Variants in GNA15 observed in about 807,000 individuals in gnomAD.
The protein encoded by GNA15 is G protein subunit alpha 15, also known as guanine nucleotide-binding protein subunit alpha-15.
In GNA15, 23 loss-of-function variants were observed where a neutral mutation model predicts 40.1. The observed-to-expected ratio is 0.57, with a 90% CI of 0.41 to 0.81. The LOEUF (loss-of-function observed/expected upper bound fraction) is 0.81, where lower values mean the gene tolerates loss of function less well. Ranked by LOEUF, GNA15 falls within the 40% of genes least tolerant of loss-of-function variation. GNA15 has a pLI of 0.00. For missense variants in GNA15, 522 were observed against 515.8 expected (o/e 1.01, Z -0.12); for synonymous variants, 226 against 210.4 (o/e 1.07, Z -0.64).
At chr19:3,137,022 T>A (rs193071986) in intron 1 of GNA15, among the ~76,000 whole-genome samples, 1 of 152,340 alleles carries the variant, frequency 6.6e-6, no homozygotes, top group Admixed American at 6.5e-5. Flanking sequence ...CCTCTCGCCT[T>A]TACCTCCCTG....
Position 3,162,887 on chromosome 19 carries a change from G to A in GNA15, c.993G>A (p.Lys331=), listed in dbSNP as rs201334872. The change falls in exon 7 of 7, where the codon AAG becomes AAA. Residue 331 remains lysine (K), a synonymous_variant. Transcript: ENST00000262958. The part of the protein sequence containing the change: ...TGCVDGPEGS[K]KGARSRRLFS... ...GCGTGGACGGCCCCGAGGGCAGCAA[G>A]AAGGGCGCACGATCCCGACGCCTCT... The A allele has an allele frequency of 1.1e-5, 18 of 1,614,016 alleles. No homozygotes were observed. In the African/African-American group the frequency reaches 1.6e-4, roughly 14 times the overall value.
chr19:3,143,645 C>T (rs1363169802), intron 1 of GNA15, among the ~76,000 whole-genome samples: 5 of 151,038 alleles, frequency 3.3e-5, no homozygotes, highest in Non-Finnish European at 7.4e-5. Flanking sequence ...AGAGTGAGAC[C>T]CTGTCTCAAA....
chr19:3,161,812 C>T (rs903193559), intron 6 of GNA15, among the ~76,000 whole-genome samples: 2 of 152,038 alleles, frequency 1.3e-5, no homozygotes, highest in Admixed American at 6.6e-5. Flanking sequence ...GCGCGCAGAT[C>T]GCTTTAGGTC....
At chr19:3,138,458 G>A (rs1358142749) in intron 1 of GNA15, among the ~76,000 whole-genome samples, 6 of 152,104 alleles carry the variant, frequency 3.9e-5, no homozygotes, top group Non-Finnish European at 8.8e-5. Flanking sequence ...ACTCGCGTTT[G>A]TCTGCCCCGG....
intron 6 of GNA15, among the ~76,000 whole-genome samples, chr19:3,158,685 G>A (rs1015511114): frequency 9.2e-5 from 14 of 151,564 alleles, no homozygotes; most frequent in Admixed American, 1.3e-4. Context: ...ACAGTGGTGC[G>A]ATCTTGGCTC....
intron 1 of GNA15, among the ~76,000 whole-genome samples, chr19:3,139,161 G>C (rs938936570): frequency 1.3e-5 from 2 of 151,162 alleles, no homozygotes; most frequent in Non-Finnish European, 2.9e-5. Context: ...GGCCAGGCTG[G>C]TCTCGAACCC....
At chr19:3,149,245 A>C (rs1252519465) in intron 2 of GNA15, 1 of 164,716 alleles carries the variant, frequency 6.1e-6, no homozygotes, top group African/African-American at 2.4e-5. Context: ...ACACTCACAA[A>C]CACACACAAG....
chr19:3,154,971 C>T (rs1455128148), intron 4 of GNA15: 1 of 152,102 alleles, frequency 6.6e-6, no homozygotes, highest in Non-Finnish European at 1.5e-5. Context: ...AGTTGCTGAT[C>T]CCACTCCCGT....
intron 5 of GNA15, among the ~76,000 whole-genome samples, chr19:3,156,934 G>A (rs1915043586): frequency 6.6e-6 from 1 of 152,126 alleles, no homozygotes; most frequent in African/African-American, 2.4e-5. Context: ...AGGGGGTTAG[G>A]TCTTGAACGT....
intron 6 of GNA15, among the ~76,000 whole-genome samples, chr19:3,160,442 G>C (rs80116271): frequency 0.2 from 31,142 of 152,150 alleles, 3,396 homozygotes; most frequent in Non-Finnish European, 0.25. Flanking sequence ...CTTCAGCCCA[G>C]GTGGAAGCTG....
chr19:3,143,995 GC>G (rs1914637165), intron 1 of GNA15, among the ~76,000 whole-genome samples: 1 of 151,820 alleles, frequency 6.6e-6, no homozygotes, highest in Admixed American at 6.6e-5. Flanking sequence ...ATGGTGGTGG[GC>G]GCCTGTCGTC....
At chr19:3,138,517 TCA>T (rs1217754359) in intron 1 of GNA15, among the ~76,000 whole-genome samples, 1 of 152,204 alleles carries the variant, frequency 6.6e-6, no homozygotes, top group African/African-American at 2.4e-5. Context: ...CTTTCCTCGT[TCA>T]GTGGGAAGAG....
Position 3,163,059 on chromosome 19 carries a change from T to A in GNA15, c.*40T>A, listed in dbSNP as rs764054008. On this transcript the variant is annotated 3_prime_UTR_variant, in exon 7 of 7. Coordinates refer to ENST00000262958, the MANE Select transcript of GNA15 (RefSeq NM_002068.4). Reference sequence around the variant, plus strand: ...GGGGCAGGCGGCACCGGCGGGCGGGTGGGAGGTGGGAGTGGCTGCAGGGAC... The same window carrying A: ...GGGGCAGGCGGCACCGGCGGGCGGGAGGGAGGTGGGAGTGGCTGCAGGGAC... The A allele has an allele frequency of 7.5e-7, 1 of 1,324,786 alleles. No individual in the cohort carries two copies. Among genetic ancestry groups the A allele is most frequent in the Non-Finnish European group, 1.1e-6 (1 of 919,982 alleles). 82.1% of individuals were successfully genotyped at this position (1,324,786 alleles called of 1,614,324 possible). A position where few individuals can be genotyped will look rare whatever the true frequency, so the allele number is the denominator to read the frequency against.
chr19:3,136,606 G>A lies in GNA15; in HGVS notation c.145+11G>A. On this transcript the variant is annotated intron_variant, in intron 1 of 6. Transcript: ENST00000262958. This position sits in a 1 kb window ranked among gnomAD's most constrained non-coding sequence, Gnocchi z 4.9. ...AGCTGCTGCTTTTGGGTGAGTCCAG[G>A]GTCGGTGGGCGGTGGGTGGTGGGCA... 3 of 1,550,412 alleles carry A rather than the reference G, an allele frequency of 1.9e-6. No individual in the cohort carries two copies. Among genetic ancestry groups the A allele is most frequent in the Non-Finnish European group, 2.6e-6 (3 of 1,146,690 alleles).
At chr19:3,156,196 A>ACT (rs751206001) in intron 5 of GNA15, among the ~76,000 whole-genome samples, 1 of 84,472 alleles carries the variant, frequency 1.2e-5, no homozygotes. Flanking sequence ...ACACACACAC[A>ACT]CACACACTAC....
At chr19:3,138,200 A>G (rs1411562110) in intron 1 of GNA15, among the ~76,000 whole-genome samples, 1 of 152,050 alleles carries the variant, frequency 6.6e-6, no homozygotes, top group Non-Finnish European at 1.5e-5. Context: ...CAGGAGGTGG[A>G]GGCTGCAGTG....
At chr19:3,143,966 C>A (rs957806382) in intron 1 of GNA15, among the ~76,000 whole-genome samples, 13 of 148,454 alleles carry the variant, frequency 8.8e-5, no homozygotes, top group African/African-American at 3.0e-4. Context: ...TAAAAAAAAA[C>A]AAAAAAAATT....
chr19:3,144,254 A>G (rs1365571462), intron 1 of GNA15, among the ~76,000 whole-genome samples: 1 of 152,096 alleles, frequency 6.6e-6, no homozygotes, highest in Non-Finnish European at 1.5e-5. Flanking sequence ...CTCTGCTACT[A>G]GCCCCAAATA....
chr19:3,156,212 A>ACACACGCACATGCG (rs1915013291), intron 5 of GNA15, among the ~76,000 whole-genome samples: 1 of 147,806 alleles, frequency 6.8e-6, no homozygotes, highest in Non-Finnish European at 1.5e-5. Flanking sequence ...ACTACAGTGC[A>ACACACGCACATGCG]CACACGCACA....
Sources: gnomAD v4.1 joint callset for allele counts (sites outside exome capture counted in the v4.1 genomes callset) on GRCh38, gnomAD v4.1.1 for gene constraint, Gnocchi (gnomAD v3.1) non-coding constraint, MANE v1.5 for transcripts, NCBI Gene and HGNC (gene_info 2026-07-23, HGNC 2026-07-21) for gene names.